Variants in EPHA6 observed in about 807,000 individuals in gnomAD.
EPHA6 encodes EPH receptor A6, also known as ephrin type-A receptor 6.
In EPHA6, 50 loss-of-function variants were observed where a neutral mutation model predicts 112.0. The ratio of observed to expected loss-of-function variants is 0.45; its 90% CI spans 0.36 to 0.56. EPHA6 has a LOEUF of 0.56. EPHA6 is among the 20% of genes least tolerant of loss of function. EPHA6 has a pLI of 0.00. For missense variants in EPHA6, 1,280 were observed against 1,417.4 expected (o/e 0.90, Z 1.56); for synonymous variants, 529 against 490.7 (o/e 1.08, Z -1.03).
intron 14 of EPHA6, among the ~76,000 whole-genome samples, chr3:97,717,109 T>G (rs1365559982): frequency 1.3e-5 from 2 of 151,406 alleles, no homozygotes; most frequent in African/African-American, 4.9e-5. Context: ...CAGGTGACTG[T>G]AATCCCAGCT....
chr3:97,434,912 T>C (rs111500477), intron 6 of EPHA6, among the ~76,000 whole-genome samples: 17,958 of 150,002 alleles, frequency 0.12, 3,546 homozygotes, highest in African/African-American at 0.41. Flanking sequence ...TACCCCTTAT[T>C]CTTGCCATCT....
At chr3:97,138,501 T>C (rs946291889) in intron 3 of EPHA6, among the ~76,000 whole-genome samples, 3 of 152,156 alleles carry the variant, frequency 2.0e-5, no homozygotes, top group African/African-American at 7.2e-5. Context: ...ATTCCTGCAG[T>C]GGGGGACCCA....
intron 3 of EPHA6, among the ~76,000 whole-genome samples, chr3:97,114,346 T>C (rs1576512230): frequency 6.6e-6 from 1 of 152,110 alleles, no homozygotes; most frequent in African/African-American, 2.4e-5. Context: ...TTAAGGACTT[T>C]TAATTTCACC....
intron 3 of EPHA6, among the ~76,000 whole-genome samples, chr3:97,218,561 G>C (rs2078100112): frequency 6.6e-6 from 1 of 152,094 alleles, no homozygotes; most frequent in Admixed American, 6.5e-5. Flanking sequence ...ACTATCATGA[G>C]AATAGCATCA....
chr3:97,709,696 C>T (rs143730604), intron 14 of EPHA6, among the ~76,000 whole-genome samples: 1 of 152,078 alleles, frequency 6.6e-6, no homozygotes, highest in African/African-American at 2.4e-5. Flanking sequence ...AATTGTAATC[C>T]CCACATGTCA....
At chr3:97,410,230 T>G (rs1333263493) in intron 6 of EPHA6, among the ~76,000 whole-genome samples, 1 of 152,060 alleles carries the variant, frequency 6.6e-6, no homozygotes, top group African/African-American at 2.4e-5. Flanking sequence ...TTTCCACAGA[T>G]AACAACCTAA....
chr3:97,389,109 T>A (rs2086250628), intron 5 of EPHA6, among the ~76,000 whole-genome samples: 1 of 152,288 alleles, frequency 6.6e-6, no homozygotes, highest in East Asian at 1.9e-4. Context: ...GACAAATTCA[T>A]ACAAATTAGT....
intron 2 of EPHA6, among the ~76,000 whole-genome samples, chr3:96,937,604 A>T (rs1022715681): frequency 4.6e-5 from 7 of 152,046 alleles, no homozygotes; most frequent in Non-Finnish European, 5.9e-5. Flanking sequence ...GAAGCTCTTT[A>T]GTTTAATTAG....
chr3:96,879,097 AG>A (rs761515838), intron 2 of EPHA6, among the ~76,000 whole-genome samples: 24 of 152,216 alleles, frequency 1.6e-4, no homozygotes, highest in Non-Finnish European at 3.1e-4. Flanking sequence ...AAGACTTTGT[AG>A]GATTATGTTT....
chr3:97,095,561 G>T (rs908282489), intron 3 of EPHA6, among the ~76,000 whole-genome samples: 1 of 151,914 alleles, frequency 6.6e-6, no homozygotes, highest in Admixed American at 6.6e-5. Context: ...ACACTCATCA[G>T]ACTAATGAAA....
intron 13 of EPHA6, among the ~76,000 whole-genome samples, chr3:97,632,967 C>T (rs1235582156): frequency 6.6e-6 from 1 of 152,030 alleles, no homozygotes; most frequent in African/African-American, 2.4e-5. Context: ...GTCATAACCT[C>T]GGTCTAAGTA....
intron 1 of EPHA6, among the ~76,000 whole-genome samples, chr3:96,848,620 G>A (rs540647395): frequency 1.3e-5 from 2 of 151,202 alleles, no homozygotes; most frequent in Non-Finnish European, 3.0e-5. Flanking sequence ...GTGAGACTCC[G>A]TCTATTTAAA....
intron 3 of EPHA6, among the ~76,000 whole-genome samples, chr3:97,015,404 A>G (rs991376837): frequency 6.6e-6 from 1 of 152,102 alleles, no homozygotes; most frequent in Non-Finnish European, 1.5e-5. Context: ...AAGATCCAGG[A>G]GTGTTTGGGT....
chr3:97,666,134 C>A (rs2107646514), intron 14 of EPHA6, among the ~76,000 whole-genome samples: 1 of 152,072 alleles, frequency 6.6e-6, no homozygotes, highest in African/African-American at 2.4e-5. Flanking sequence ...CAAATTCAGC[C>A]CTAGATAACA....
intron 1 of EPHA6, among the ~76,000 whole-genome samples, chr3:96,838,123 C>T (rs530636736): frequency 6.6e-6 from 1 of 151,686 alleles, no homozygotes; most frequent in Non-Finnish European, 1.5e-5. Flanking sequence ...TCATTCAGCT[C>T]CCACTTATAA....
chr3:97,473,254 C>T (rs2091278353), intron 7 of EPHA6, among the ~76,000 whole-genome samples: 1 of 151,670 alleles, frequency 6.6e-6, no homozygotes, highest in Admixed American at 6.6e-5. Flanking sequence ...GGAGTGTTTA[C>T]AGTTCCTAAG....
chr3:97,045,297 G>T (rs551331980), intron 3 of EPHA6, among the ~76,000 whole-genome samples: 5 of 152,020 alleles, frequency 3.3e-5, no homozygotes, highest in Non-Finnish European at 5.9e-5. Context: ...GTTCAGTCAA[G>T]ATTATCTCCC....
At chr3:96,953,569 AACAAAAGCCAATTCT>A (rs1436219847) in intron 2 of EPHA6, among the ~76,000 whole-genome samples, 17 of 152,284 alleles carry the variant, frequency 1.1e-4, no homozygotes, top group African/African-American at 4.1e-4. Context: ...CTTCTTTTTA[AACAAAAGCCAATTCT>A]ACACTCTTTT....
chr3:97,760,967 T>C lies in EPHA6; in HGVS notation c.*12266T>C, dbSNP rs2036150174. On this transcript the variant is annotated 3_prime_UTR_variant, in exon 18 of 18. Transcript: ENST00000389672. ...AATAGGGAAGTATAGCACTGTTTTA[T>C]GTTTTTCTCTTTAGTATTCTGTCAC... 2 of 202,602 alleles carry C rather than the reference T, an allele frequency of 9.9e-6. No homozygotes were observed. The highest frequency in any genetic ancestry group is 2.0e-5 in the Non-Finnish European group (2 of 98,618). The allele number at this position is 202,602 out of a possible 1,614,324, so 12.6% of individuals were successfully genotyped here.
Sources: allele counts gnomAD v4.1 joint callset (sites outside exome capture counted in the v4.1 genomes callset), GRCh38; gene constraint gnomAD v4.1.1; transcripts MANE v1.5; gene names NCBI Gene and HGNC (gene_info 2026-07-23, HGNC 2026-07-21).